Variants in GALNT9 observed in about 807,000 individuals in gnomAD.
GALNT9 encodes the protein GalNAc transferase 9.
A neutral mutation model predicts 63.1 loss-of-function variants in GALNT9; 47 were observed. The ratio of observed to expected loss-of-function variants is 0.75; its 90% CI spans 0.59 to 0.95. The LOEUF is 0.95. GALNT9 is among the 40% of genes least tolerant of loss of function. The pLI is 0.00. For synonymous variants in GALNT9, 396 were observed against 365.7 expected, an observed-to-expected ratio of 1.08 and a Z score of -0.94; for missense variants, 829 against 874.8, an observed-to-expected ratio of 0.95 and a Z score of 0.66.
chr12:132,294,259 C>G (rs782753489), intron 1 of GALNT9, among the ~76,000 whole-genome samples: 54 of 152,294 alleles, frequency 3.5e-4, no homozygotes, highest in Admixed American at 2.0e-3. Flanking sequence ...CCAGAGTCAG[C>G]AGAGAGATGG....
chr12:132,288,837 C>G (rs1429035570), intron 1 of GALNT9, among the ~76,000 whole-genome samples: 2 of 150,172 alleles, frequency 1.3e-5, no homozygotes, highest in Non-Finnish European at 2.9e-5. Context: ...TTTCGGACGG[C>G]TGCCCGATGC....
chr12:132,320,660 G>A (rs1868742453), intron 1 of GALNT9, among the ~76,000 whole-genome samples: 2 of 30,462 alleles, frequency 6.6e-5, no homozygotes, highest in Non-Finnish European at 1.3e-4. Context: ...GGAGGAGGTG[G>A]AGGGAAGCTC....
chr12:132,263,989 G>A (rs56296018), intron 2 of GALNT9, among the ~76,000 whole-genome samples: 10,499 of 152,266 alleles, frequency 0.069, 1,210 homozygotes, highest in African/African-American at 0.24. Context: ...GATTTATGGC[G>A]TGACCGTTCC....
intron 4 of GALNT9, among the ~76,000 whole-genome samples, chr12:132,260,067 G>GGTGCGGGGCCTGGCCCGGGTGCAGGGAAC (rs1879317069): frequency 1.3e-5 from 2 of 151,804 alleles, no homozygotes; most frequent in African/African-American, 4.8e-5. Context: ...GTGCACTATG[G>GGTGCGGGGCCTGGCCCGGGTGCAGGGAAC]ACCCCGTAGG....
intron 5 of GALNT9, among the ~76,000 whole-genome samples, chr12:132,253,689 C>G (rs1206616213): frequency 2.0e-5 from 3 of 152,238 alleles, no homozygotes; most frequent in Admixed American, 6.5e-5. Context: ...CCTTCAGTCT[C>G]TTGCCTCGGC....
chr12:132,222,906 CCCCACATACAT>C (rs1877511293), intron 6 of GALNT9, among the ~76,000 whole-genome samples: 2 of 94,950 alleles, frequency 2.1e-5, no homozygotes, highest in Non-Finnish European at 4.6e-5. Flanking sequence ...GCACCCCACA[CCCCACATACAT>C]CCCACACAAC....
intron 6 of GALNT9, among the ~76,000 whole-genome samples, chr12:132,222,083 A>G (rs1186022443): frequency 6.6e-6 from 1 of 152,176 alleles, no homozygotes; most frequent in Non-Finnish European, 1.5e-5. Context: ...CTGAGGATGG[A>G]GATTTGATGA....
Position 132,257,670 on chromosome 12 carries a change from C to T in GALNT9, c.959+19G>A. 7 of 1,535,532 alleles carry T rather than the reference C, an allele frequency of 4.6e-6. No individual in the cohort carries two copies. Among genetic ancestry groups the T allele is most frequent in the Non-Finnish European group, 6.2e-6 (7 of 1,135,776 alleles). On this transcript the variant is annotated intron_variant, in intron 5 of 10. Coordinates refer to ENST00000328957, the MANE Select transcript of GALNT9 (RefSeq NM_001122636.2). ...CTTGCCGGGCAGGGCCGCCCTCGAC[C>T]CCTGAGGGCGCAGCTCACCTGATGG...
At chr12:132,270,084 C>A (rs944328546) in intron 2 of GALNT9, among the ~76,000 whole-genome samples, 1 of 152,170 alleles carries the variant, frequency 6.6e-6, no homozygotes, top group Non-Finnish European at 1.5e-5. Flanking sequence ...AGAACAAGTC[C>A]CATTTAGGGC....
chr12:132,214,828 G>A (rs751482894), intron 6 of GALNT9, among the ~76,000 whole-genome samples: 2 of 152,242 alleles, frequency 1.3e-5, no homozygotes, highest in Non-Finnish European at 2.9e-5. Flanking sequence ...GACCAGGGCA[G>A]GCGGTGGCAC....
At position 132,257,851 on chromosome 12, in the gene GALNT9, C is replaced by G. The variant is rs782169459; in HGVS notation, c.797G>C (p.Arg266Pro). Residue 266 changes from arginine (R) to proline (P), a missense_variant, in exon 5 of 11, where the codon CGG becomes CCG. Physicochemically the swap from Arg to Pro is moderately radical, Grantham distance 103. Coordinates refer to ENST00000328957, the MANE Select transcript of GALNT9 (RefSeq NM_001122636.2). The part of the protein sequence containing the change: ...EPALSRIRED[R>P]RRIVLPAIDN... ...GATGGCTGGCAGCACGATGCGACGC[C>G]GGTCCTCTCGGATCCGCGACAGTGC... 6 of 1,548,432 alleles carry G rather than the reference C, an allele frequency of 3.9e-6. No homozygotes were observed. Among genetic ancestry groups the G allele is most frequent in the Non-Finnish European group, 4.4e-6 (5 of 1,146,442 alleles).
rs1262666174 is a variant in GALNT9 at position 132,196,565 on chromosome 12, G to C, written c.*542C>G. 7 of 986,496 alleles carry C rather than the reference G, an allele frequency of 7.1e-6. No individual in the cohort carries two copies. In the African/African-American group the frequency reaches 1.0e-4, roughly 15 times the overall value. The allele number at this position is 986,496 out of a possible 1,614,324, so 61.1% of individuals were successfully genotyped here. On this transcript the variant is annotated 3_prime_UTR_variant, in exon 11 of 11. Transcript: ENST00000328957. ...CTGAAGCAGTCGTGCCAGCCTCCTA[G>C]ACACGGCCTCAGGTTTGTCGCTGTC...
intron 1 of GALNT9, among the ~76,000 whole-genome samples, chr12:132,314,176 TCATCCATTTATCCATCCACCCACCCACC>T (rs1555245543): frequency 1.4e-5 from 1 of 73,326 alleles, no homozygotes; most frequent in Admixed American, 1.6e-4. Flanking sequence ...CTACCCACCA[TCATCCATTTATCCATCCACCCACCCACC>T]CATCCATTTA....
intron 2 of GALNT9, among the ~76,000 whole-genome samples, chr12:132,276,851 G>T (rs1880113891): frequency 6.6e-6 from 1 of 152,204 alleles, no homozygotes; most frequent in African/African-American, 2.4e-5. Flanking sequence ...AAGTGGTGAG[G>T]AGTTGGGTTT....
chr12:132,297,868 C>A (rs898125703), intron 1 of GALNT9, among the ~76,000 whole-genome samples: 1 of 151,842 alleles, frequency 6.6e-6, no homozygotes, highest in Non-Finnish European at 1.5e-5. Context: ...CCAAGATTAC[C>A]AACTCACTCC....
At chr12:132,204,478 A>G (rs565188474) in intron 6 of GALNT9, among the ~76,000 whole-genome samples, 2 of 152,074 alleles carry the variant, frequency 1.3e-5, no homozygotes. Context: ...AGTAGGACAG[A>G]AAGGCCGAGG....
chr12:132,329,421 G>A lies in GALNT9; in HGVS notation c.-218C>T, dbSNP rs1869200904. The stretch of plus-strand genomic sequence containing the variant: ...AGGGCTGCCCGGGGCTGGGGTCGCG[G>A]GGCGCGGCCGGCATCCCCCGCTCAG... On this transcript the variant is annotated 5_prime_UTR_variant, in exon 1 of 11. Coordinates refer to ENST00000328957, the MANE Select transcript of GALNT9 (RefSeq NM_001122636.2). 2 of 456,820 alleles carry A rather than the reference G, an allele frequency of 4.4e-6. No individual in the cohort carries two copies. The highest frequency in any genetic ancestry group is 2.1e-5 in the African/African-American group (1 of 48,346). The allele number at this position is 456,820 out of a possible 1,614,324, so 28.3% of individuals were successfully genotyped here. A position where few individuals can be genotyped will look rare whatever the true frequency, so the allele number is the denominator to read the frequency against.
intron 5 of GALNT9, among the ~76,000 whole-genome samples, chr12:132,250,400 G>A (rs566438209): frequency 9.8e-5 from 15 of 152,348 alleles, no homozygotes; most frequent in East Asian, 7.7e-4. Context: ...TCGAAACACC[G>A]CAGAGGTGCC....
chr12:132,235,454 C>T lies in GALNT9; in HGVS notation c.1077+12456G>A, dbSNP rs973624633. Among the ~76,000 whole-genome samples the T allele has an allele frequency of 2.9e-3, 434 of 152,082 alleles. 2 individuals are homozygous for T. The highest frequency in any genetic ancestry group is 9.9e-3 in the African/African-American group (412 of 41,466). On this transcript the variant is annotated intron_variant, in intron 6 of 10. Coordinates refer to ENST00000328957, the MANE Select transcript of GALNT9 (RefSeq NM_001122636.2). Reference sequence around the variant, plus strand: ...AGAGGGAGAGAGTGTTGGGGGGCACCGGCTGCGGGAACTGGAGCTCAGAAG... The same window carrying T: ...AGAGGGAGAGAGTGTTGGGGGGCACTGGCTGCGGGAACTGGAGCTCAGAAG...
Sources: allele counts gnomAD v4.1 joint callset (sites outside exome capture counted in the v4.1 genomes callset), GRCh38; gene constraint gnomAD v4.1.1; transcripts MANE v1.5; gene names NCBI Gene and HGNC (gene_info 2026-07-23, HGNC 2026-07-21).